CYFIP2: variants seen among roughly 807,000 people sequenced by gnomAD.
CYFIP2 encodes the protein cytoplasmic FMR1 interacting protein 2.
CYFIP2 carries 29 observed loss-of-function variants against 158.7 expected under a neutral mutation model. That is an observed-to-expected ratio of 0.18 (90% CI 0.14 to 0.25). The LOEUF (loss-of-function observed/expected upper bound fraction) is 0.25, where lower values mean the gene tolerates loss of function less well. Ranked by LOEUF, CYFIP2 falls within the 10% of genes least tolerant of loss-of-function variation. The pLI, the probability that CYFIP2 is intolerant of heterozygous loss-of-function variation, is 1.00. For missense variants in CYFIP2, 852 were observed against 1,639.5 expected, an observed-to-expected ratio of 0.52 and a Z score of 8.29; for synonymous variants, 585 against 617.6, an observed-to-expected ratio of 0.95 and a Z score of 0.78.
At chr5:157,383,122 T>C (rs1561787265) in intron 27 of CYFIP2, 143 bp from the exon 28 acceptor site, 1 of 677,244 alleles carries the variant, frequency 1.5e-6, no homozygotes, top group South Asian at 1.8e-5. Context: ...ACTCACACTT[T>C]CCAGAACGAA....
chr5:157,309,427 A>G (rs924036452), intron 9 of CYFIP2, among the ~76,000 whole-genome samples: 4 of 152,184 alleles, frequency 2.6e-5, no homozygotes, highest in African/African-American at 9.7e-5. Context: ...AGTGGAAAGG[A>G]CCCTGCACTG....
At chr5:157,268,882 C>A (rs145072440) in intron 1 of CYFIP2, among the ~76,000 whole-genome samples, 5 of 152,306 alleles carry the variant, frequency 3.3e-5, no homozygotes, top group Non-Finnish European at 4.4e-5. Flanking sequence ...GGGCAGGCTG[C>A]TGCCTTCTTG....
At chr5:157,322,175 T>C (rs147267348) in intron 15 of CYFIP2, among the ~76,000 whole-genome samples, 96 of 152,184 alleles carry the variant, frequency 6.3e-4, no homozygotes, top group Middle Eastern at 3.4e-3. Flanking sequence ...GGGAGCGCTA[T>C]TAGAGAAACC....
chr5:157,312,375 A>T (rs1465781687), intron 11 of CYFIP2, among the ~76,000 whole-genome samples: 1 of 152,028 alleles, frequency 6.6e-6, no homozygotes, highest in Non-Finnish European at 1.5e-5. Context: ...CTCAGGAAAA[A>T]AACCCAAATA....
At chr5:157,314,757 G>T (rs150269106) in intron 12 of CYFIP2, among the ~76,000 whole-genome samples, 1 of 152,094 alleles carries the variant, frequency 6.6e-6, no homozygotes, top group African/African-American at 2.4e-5. Flanking sequence ...TCCCTATTCC[G>T]GATGTTTCAC....
chr5:157,339,026 C>G, intron 21 of CYFIP2, 31 bp from the exon 22 acceptor site: 1 of 1,586,596 alleles, frequency 6.3e-7, no homozygotes, highest in Non-Finnish European at 8.6e-7. Context: ...CAAGCAAGTC[C>G]TCAGCAGTTG....
Position 157,361,574 on chromosome 5 carries a change from C to G in CYFIP2, c.3015C>G (p.Phe1005Leu). 1.2e-6 allele frequency: 2 copies of G among 1,613,986 alleles called. No individual in the cohort carries two copies. The highest frequency in any genetic ancestry group is 8.5e-7 in the Non-Finnish European group (1 of 1,179,912). The change falls in exon 26 of 31, where the codon TTC (phenylalanine) becomes TTG (leucine). Residue 1005 changes from phenylalanine to leucine, a missense_variant. Transcript: ENST00000620254. The surrounding 1 kb of genome is among the most constrained non-coding windows in gnomAD (Gnocchi z 4.4). ...SLREVGNAIL[F>L]CLLIEQALSQ... ...GGGAAGTGGGCAATGCCATCCTCTTCTGCCTCCTCATAGAGCAAGCTCTGG... is the reference window on the plus strand; with the variant it reads ...GGGAAGTGGGCAATGCCATCCTCTTGTGCCTCCTCATAGAGCAAGCTCTGG...
At chr5:157,309,933 C>A in intron 10 of CYFIP2, 99 bp downstream of exon 10, 1 of 1,160,398 alleles carries the variant, frequency 8.6e-7, no homozygotes, top group Non-Finnish European at 1.3e-6. Flanking sequence ...CCCCAGATCC[C>A]TGGGCAGGTG....
intron 11 of CYFIP2, among the ~76,000 whole-genome samples, chr5:157,312,606 T>C (rs1235537766): frequency 1.3e-5 from 2 of 152,194 alleles, no homozygotes; most frequent in Non-Finnish European, 2.9e-5. Flanking sequence ...GCTTCCACCA[T>C]GTGGCTAACA....
chr5:157,303,073 G>A (rs540278275), intron 7 of CYFIP2, 183 bp downstream of exon 7: 20 of 553,748 alleles, frequency 3.6e-5, no homozygotes, highest in African/African-American at 2.8e-4. Flanking sequence ...CCAGGTGGCC[G>A]ATTCACCCTC....
Position 157,393,713 on chromosome 5 carries a change from G to C in CYFIP2, c.*713G>C, listed in dbSNP as rs1373383762. 6.6e-6 allele frequency: 1 copy of C among 152,270 alleles called. No individual in the cohort carries two copies. Among genetic ancestry groups the C allele is most frequent in the Admixed American group, 6.5e-5 (1 of 15,282 alleles). 9.4% of individuals were successfully genotyped at this position (152,270 alleles called of 1,614,324 possible). ...TATGAACACAGCCAGAAATGTCATA[G>C]TCCAAACAGGATGCTTTCAGGCCAT... On this transcript the variant is annotated 3_prime_UTR_variant, in exon 31 of 31. Transcript: ENST00000620254.
intron 1 of CYFIP2, among the ~76,000 whole-genome samples, chr5:157,284,264 T>A (rs573936997): frequency 3.6e-4 from 55 of 152,336 alleles, no homozygotes; most frequent in Non-Finnish European, 7.4e-4. Flanking sequence ...CTAAATGTGT[T>A]GAAGACATGT....
chr5:157,323,099 C>T (rs1440430135), intron 15 of CYFIP2: 5 of 1,242,634 alleles, frequency 4.0e-6, no homozygotes, highest in Non-Finnish European at 5.7e-6. Context: ...CCTCAAGGCC[C>T]CTTCCAGCCC....
chr5:157,395,497 G>T lies in CYFIP2; in HGVS notation c.*2497G>T. 2 of 563,294 alleles carry T rather than the reference G, an allele frequency of 3.6e-6. No individual in the cohort carries two copies. Among genetic ancestry groups the T allele is most frequent in the Non-Finnish European group, 6.0e-6 (2 of 334,392 alleles). The allele number at this position is 563,294 out of a possible 1,614,324, so 34.9% of individuals were successfully genotyped here. On this transcript the variant is annotated 3_prime_UTR_variant, in exon 31 of 31. Transcript: ENST00000620254. ...ATTCTTAAATCATATTTGCTATGCA[G>T]CTGAAGATGATATTTTGATTTGTAT...
intron 26 of CYFIP2, among the ~76,000 whole-genome samples, chr5:157,378,932 AAGT>A (rs1314263742): frequency 6.6e-6 from 1 of 152,190 alleles, no homozygotes; most frequent in Admixed American, 6.5e-5. Context: ...TAATTCCATT[AAGT>A]TCTTAATTGC....
Position 157,282,097 on chromosome 5 carries a change from C to T in CYFIP2, c.-23-3242C>T, listed in dbSNP as rs115822476. Among the ~76,000 whole-genome samples the T allele has an allele frequency of 5.8e-3, 877 of 152,266 alleles. 8 individuals are homozygous for T. The highest frequency in any genetic ancestry group is 0.019 in the African/African-American group (771 of 41,536). On this transcript the variant is annotated intron_variant, in intron 1 of 30. Coordinates refer to ENST00000620254, the MANE Select transcript of CYFIP2 (RefSeq NM_001037333.3). ...ATGGATGTATTAGGCCATTCTTGCA[C>T]TGCTATAAAGAAATATCTGAGACTG...
At chr5:157,358,865 G>A in intron 23 of CYFIP2, 140 bp from the exon 24 acceptor site, 1 of 1,079,422 alleles carries the variant, frequency 9.3e-7, no homozygotes, top group Non-Finnish European at 1.4e-6. Context: ...CCACCATTTT[G>A]CAAACATATT....
chr5:157,360,209 A>T (rs899024949), intron 24 of CYFIP2, 73 bp from the exon 25 acceptor site: 2 of 1,245,468 alleles, frequency 1.6e-6, no homozygotes, highest in East Asian at 2.4e-5. Context: ...ATCCTCTCAG[A>T]GGTCTCAGCA....
At chr5:157,351,694 T>G (rs1763084202) in intron 23 of CYFIP2, among the ~76,000 whole-genome samples, 1 of 152,212 alleles carries the variant, frequency 6.6e-6, no homozygotes, top group Non-Finnish European at 1.5e-5. Flanking sequence ...GCCTCTTTGA[T>G]GCTCTGCTGC....
Sources: gnomAD v4.1 joint callset for allele counts (sites outside exome capture counted in the v4.1 genomes callset) on GRCh38, gnomAD v4.1.1 for gene constraint, Gnocchi (gnomAD v3.1) non-coding constraint, MANE v1.5 for transcripts, NCBI Gene and HGNC (gene_info 2026-07-23, HGNC 2026-07-21) for gene names.